Variants in SYNE2 observed in about 807,000 individuals in gnomAD.
The protein encoded by SYNE2 is spectrin repeat containing nuclear envelope protein 2, also known as nesprin-2.
Under a neutral mutation model 856.3 loss-of-function variants are expected in SYNE2, and 431 were observed. That is an observed-to-expected ratio of 0.50 (90% CI 0.47 to 0.55). The LOEUF is 0.55. SYNE2 is among the 20% of genes least tolerant of loss of function. The pLI is 0.00. For synonymous variants in SYNE2, 2,923 were observed against 2,872.3 expected (o/e 1.02, Z -0.56); for missense variants, 8,129 against 8,023.2 (o/e 1.01, Z -0.50).
rs2097779850 is a variant in SYNE2, at chr14:64,107,613, T to C, written c.12609+6T>C. On this transcript the variant is annotated splice_donor_region_variant and intron_variant, in intron 65 of 115. Transcript: ENST00000555002. ...GGCCCAACCAAACAGAAGAGGTAAG[T>C]CCTGGTTGGTAATAAGTAAACTGCT... is the stretch of plus-strand genomic sequence containing the variant. The C allele has an allele frequency of 6.2e-7, 1 of 1,610,834 alleles. No homozygotes were observed. The highest frequency in any genetic ancestry group is 8.5e-7 in the Non-Finnish European group (1 of 1,177,144).
At chr14:64,194,291 C>A (rs559956133) in intron 99 of SYNE2, among the ~76,000 whole-genome samples, 170 of 87,040 alleles carry the variant, frequency 2.0e-3, no homozygotes, top group Non-Finnish European at 2.8e-4. Context: ...TCTCCCTCCT[C>A]TTTTCTTCTT....
chr14:64,137,471 G>A (rs1300470377), intron 78 of SYNE2, among the ~76,000 whole-genome samples: 1 of 152,072 alleles, frequency 6.6e-6, no homozygotes, highest in Non-Finnish European at 1.5e-5. Flanking sequence ...GCCTGGTCTC[G>A]AACTGCAGAC....
intron 95 of SYNE2, among the ~76,000 whole-genome samples, chr14:64,176,408 G>A (rs2098435701): frequency 6.6e-6 from 1 of 152,116 alleles, no homozygotes. Context: ...TATCTCCTAA[G>A]GTTATTATAA....
rs577324373 is a variant in SYNE2, at chr14:63,895,658, C to T, written c.-51-13440C>T. Among the ~76,000 whole-genome samples the T allele has an allele frequency of 2.4e-4, 35 of 148,492 alleles. No individual in the cohort carries two copies. The Middle Eastern group carries it at 0.011, about 45-fold the overall frequency. ...TGGTGTGTGCCTATTGTCCCAGGTA[C>T]TCAAGAGGCTGAGGTGGGAGGATGG... On this transcript the variant is annotated intron_variant, in intron 1 of 115. Transcript: ENST00000555002.
chr14:63,974,880 GTGTGTGTGTGTGTATATATA>G (rs1595977205), intron 11 of SYNE2, among the ~76,000 whole-genome samples: 3 of 28,556 alleles, frequency 1.1e-4, no homozygotes, highest in African/African-American at 3.8e-4. Context: ...GTGTGTGTGT[GTGTGTGTGTGTGTATATATA>G]TATATATATA....
chr14:63,860,487 C>T (rs1893254889), intron 1 of SYNE2, among the ~76,000 whole-genome samples: 1 of 152,196 alleles, frequency 6.6e-6, no homozygotes, highest in African/African-American at 2.4e-5. Context: ...TGCTAATAGC[C>T]CCTCAGGTCA....
At chr14:63,923,453 G>A (rs1195766158) in intron 2 of SYNE2, among the ~76,000 whole-genome samples, 1 of 152,206 alleles carries the variant, frequency 6.6e-6, no homozygotes, top group East Asian at 1.9e-4. Context: ...TCTGTATGTT[G>A]ATTGAGGAAA....
At chr14:64,158,334 C>A (rs2098302078) in intron 85 of SYNE2, among the ~76,000 whole-genome samples, 1 of 152,224 alleles carries the variant, frequency 6.6e-6, no homozygotes, top group Non-Finnish European at 1.5e-5. Context: ...CTTGCACTCA[C>A]AAATTCTAAT....
intron 1 of SYNE2, among the ~76,000 whole-genome samples, chr14:63,887,219 T>C (rs1011010808): frequency 7.2e-5 from 11 of 151,912 alleles, no homozygotes; most frequent in Admixed American, 1.3e-4. Flanking sequence ...AGGCGGAGGT[T>C]GCAGTGAGCC....
intron 6 of SYNE2, among the ~76,000 whole-genome samples, chr14:63,947,529 A>C (rs1030088053): frequency 6.6e-6 from 1 of 152,164 alleles, no homozygotes; most frequent in African/African-American, 2.4e-5. Context: ...CAGTTGACTC[A>C]ATAGTTTATT....
At chr14:63,872,070 G>C (rs900157035) in intron 1 of SYNE2, among the ~76,000 whole-genome samples, 6 of 152,094 alleles carry the variant, frequency 3.9e-5, no homozygotes, top group Non-Finnish European at 7.3e-5. Context: ...GGTAGTGTGT[G>C]GGCCCGGCCG....
chr14:64,202,545 C>T (rs2098578426), intron 99 of SYNE2, among the ~76,000 whole-genome samples: 2 of 152,186 alleles, frequency 1.3e-5, no homozygotes, highest in South Asian at 4.1e-4. Flanking sequence ...ATAGGACTTC[C>T]ATTTGCATGG....
intron 2 of SYNE2, among the ~76,000 whole-genome samples, chr14:63,939,351 T>TC (rs1408063069): frequency 5.4e-5 from 8 of 149,002 alleles, no homozygotes; most frequent in Admixed American, 6.6e-5. Flanking sequence ...TTTTTTCTTT[T>TC]TTTTTTTTTT....
intron 108 of SYNE2, among the ~76,000 whole-genome samples, chr14:64,217,351 C>A (rs2098671414): frequency 6.6e-6 from 1 of 152,212 alleles, no homozygotes; most frequent in Non-Finnish European, 1.5e-5. Context: ...AGTTACATTT[C>A]CCTCAGCTGC....
chr14:63,824,939 C>G (rs2139874916), intron 1 of SYNE2, among the ~76,000 whole-genome samples: 1 of 152,046 alleles, frequency 6.6e-6, no homozygotes, highest in East Asian at 1.9e-4. Context: ...TGAGACCAGC[C>G]TGGCCAACAC....
chr14:64,028,792 T>A (rs1312687263), intron 43 of SYNE2, among the ~76,000 whole-genome samples: 2 of 152,184 alleles, frequency 1.3e-5, no homozygotes, highest in African/African-American at 2.4e-5. Flanking sequence ...TATATCCACC[T>A]TCTTATCAGT....
At chr14:63,900,796 G>T (rs1595526565) in intron 1 of SYNE2, among the ~76,000 whole-genome samples, 1 of 152,152 alleles carries the variant, frequency 6.6e-6, no homozygotes, top group Admixed American at 6.5e-5. Flanking sequence ...AAAAGTTAAT[G>T]GGAAAAAGAT....
chr14:64,091,954 G>C (rs2097621068), intron 60 of SYNE2, among the ~76,000 whole-genome samples: 1 of 152,006 alleles, frequency 6.6e-6, no homozygotes, highest in South Asian at 2.1e-4. Context: ...TGGCCACTCT[G>C]TTCTCCTAAG....
intron 1 of SYNE2, among the ~76,000 whole-genome samples, chr14:63,904,785 T>C (rs2095387146): frequency 6.6e-6 from 1 of 152,184 alleles, no homozygotes; most frequent in Non-Finnish European, 1.5e-5. Context: ...TGATAGTTTC[T>C]TTTGCTGCGC....
Sources: gnomAD v4.1 joint callset for allele counts (sites outside exome capture counted in the v4.1 genomes callset) on GRCh38, gnomAD v4.1.1 for gene constraint, MANE v1.5 for transcripts, NCBI Gene and HGNC (gene_info 2026-07-23, HGNC 2026-07-21) for gene names.